The following CTU2 variants were observed in gnomAD, a reference collection of about 807,000 sequenced individuals.
CTU2 encodes the protein cytosolic thiouridylase subunit 2, also known as cytoplasmic tRNA 2-thiolation protein 2.
Under a neutral mutation model 64.1 loss-of-function variants are expected in CTU2, and 80 were observed. The observed-to-expected ratio is 1.25, with a 90% CI of 1.04 to 1.50. The LOEUF is 1.50. CTU2 is among the 40% of genes most tolerant of loss of function. CTU2 has a pLI of 0.00. For missense variants in CTU2, 1,110 were observed against 690.2 expected, an observed-to-expected ratio of 1.61 and a Z score of -6.81; for synonymous variants, 482 against 285.3, an observed-to-expected ratio of 1.69 and a Z score of -6.95.
intron 2 of CTU2, 114 bp downstream of exon 2, chr16:88,707,324 C>G: frequency 1.0e-6 from 1 of 997,350 alleles, no homozygotes; most frequent in Non-Finnish European, 1.6e-6. Context: ...TTACTTTATT[C>G]CTGCTCCTGA....
Position 88,712,872 on chromosome 16 carries a change from T to G in CTU2, c.704T>G (p.Leu235Arg). The G allele has an allele frequency of 6.5e-7, 1 of 1,540,050 alleles. No individual in the cohort carries two copies. The highest frequency in any genetic ancestry group is 8.7e-7 in the Non-Finnish European group (1 of 1,144,538). The change falls in exon 7 of 15, where the codon CTG becomes CGG. Residue 235 changes from leucine to arginine, a missense_variant. Leu to Arg is a moderately radical substitution (Grantham distance 102). Coordinates refer to ENST00000453996, the MANE Select transcript of CTU2 (RefSeq NM_001012759.3). ...LSQLFCSVRT[L>R]TAKEELLQTL... ...CAACTGTTCTGCTCAGTGAGGACAC[T>G]GACTGCCAAGGAGGAGCTTCTGCAG...
At chr16:88,709,325 GT>G (rs1400903620) in intron 2 of CTU2, 1 of 152,372 alleles carries the variant, frequency 6.6e-6, no homozygotes, top group African/African-American at 2.4e-5. Context: ...ATTCTGTGGG[GT>G]TAGGGGAGGA....
At chr16:88,709,743 G>C (rs945167615) in intron 2 of CTU2, 195 bp from the exon 3 acceptor site, 5 of 599,522 alleles carry the variant, frequency 8.3e-6, no homozygotes, top group East Asian at 2.8e-5. Context: ...GGTGAGCCTC[G>C]TGTTCACCCT....
At chr16:88,711,446 C>T (rs1017475795) in intron 4 of CTU2, among the ~76,000 whole-genome samples, 189 bp from the exon 5 acceptor site, 6 of 152,198 alleles carry the variant, frequency 3.9e-5, no homozygotes, top group Non-Finnish European at 7.3e-5. Context: ...ATAAGTCGGG[C>T]GTGCGGCCTC....
chr16:88,715,101 A>G lies in CTU2; in HGVS notation c.1473A>G (p.Thr491=), dbSNP rs1208707232. Residue 491 remains threonine, a synonymous_variant, in exon 14 of 15, where the codon ACA becomes ACG. Coordinates refer to ENST00000453996, the MANE Select transcript of CTU2 (RefSeq NM_001012759.3). Reference sequence around the variant, plus strand: ...TCCTGGCTGAGGCCCAGCTCCGCACACAGAGGTACTGGGGCCCACACTGCC... The same window carrying G: ...TCCTGGCTGAGGCCCAGCTCCGCACGCAGAGGTACTGGGGCCCACACTGCC... The part of the protein sequence containing the change: ...PYILAEAQLR[T]QRAWGLQEIR... 1.3e-6 allele frequency: 2 copies of G among 1,586,782 alleles called. No individual in the cohort carries two copies. Among genetic ancestry groups the G allele is most frequent in the East Asian group, 2.2e-5 (1 of 44,610 alleles).
rs1254845636 is a variant in CTU2, at chr16:88,706,514, C to G, written c.-17C>G. 2 of 1,420,004 alleles carry G rather than the reference C, an allele frequency of 1.4e-6. No individual in the cohort carries two copies. Among genetic ancestry groups the G allele is most frequent in the East Asian group, 6.1e-5 (2 of 32,736 alleles). The allele number at this position is 1,420,004 out of a possible 1,614,324, so 88.0% of individuals were successfully genotyped here. ...GCGCTGTCGCCGCCACAGTCTGCGA[C>G]GGGACCCGGCGTGCCCATGTGTCAG... On this transcript the variant is annotated 5_prime_UTR_variant, in exon 1 of 15. Transcript: ENST00000453996.
At chr16:88,706,639 T>G in intron 1 of CTU2, 41 bp downstream of exon 1, 1 of 1,337,024 alleles carries the variant, frequency 7.5e-7, no homozygotes, top group Non-Finnish European at 9.6e-7. Context: ...GCCCCTCGCC[T>G]TCCCGCCGCA....
intron 9 of CTU2, 97 bp from the exon 10 acceptor site, chr16:88,714,039 A>C: frequency 2.4e-6 from 3 of 1,247,310 alleles, no homozygotes; most frequent in Non-Finnish European, 3.5e-6. Context: ...CATGTGGGCC[A>C]GCAGCGTGGA....
In CTU2 at chr16:88,711,660, G is replaced by T. The variant is rs1484008795; in HGVS notation, c.308G>T (p.Arg103Ile). Residue 103 changes from arginine (R) to isoleucine (I), a missense_variant, in exon 5 of 15, where the codon AGA becomes ATA. Arg to Ile is a moderately conservative substitution (Grantham distance 97, BLOSUM62 -3). Coordinates refer to ENST00000453996, the MANE Select transcript of CTU2 (RefSeq NM_001012759.3). ...LEGLSQDSAK[R>I]LRFVAGVIFV... ...GGCCTGAGCCAAGATTCTGCCAAAAGACTGCGCTTTGTGGCAGGAGTCATC... is the reference window on the plus strand; with the variant it reads ...GGCCTGAGCCAAGATTCTGCCAAAATACTGCGCTTTGTGGCAGGAGTCATC... The T allele has an allele frequency of 1.9e-6, 3 of 1,608,422 alleles. No individual in the cohort carries two copies. Among genetic ancestry groups the T allele is most frequent in the African/African-American group, 1.3e-5 (1 of 74,988 alleles).
rs1348777920 is a variant in CTU2, at chr16:88,714,165, G to C, written c.1035G>C (p.Leu345=). The C allele has an allele frequency of 1.2e-6, 2 of 1,612,624 alleles. No homozygotes were observed. The highest frequency in any genetic ancestry group is 2.7e-5 in the African/African-American group (2 of 74,920). The change falls in exon 10 of 15, where the codon CTG becomes CTC. Residue 345 remains leucine, a synonymous_variant. Coordinates refer to ENST00000453996, the MANE Select transcript of CTU2 (RefSeq NM_001012759.3). ...CTGAAAAGGCCAGCATCCACCGGCTGATGGAGGCCTTCATCCTCAGGCTGC... is the reference window on the plus strand; with the variant it reads ...CTGAAAAGGCCAGCATCCACCGGCTCATGGAGGCCTTCATCCTCAGGCTGC... ...KAPEKASIHR[L]MEAFILRLQT...
At position 88,714,412 on chromosome 16, in the gene CTU2, G is replaced by T. The variant is rs61730419; in HGVS notation, c.1127G>T (p.Arg376Leu). Reference sequence around the variant, plus strand: ...AGTGAGAAGCTGGTGAAGGGCCCCCGGGATGGCCCTGCTGCTGGCGACTCC... The same window carrying T: ...AGTGAGAAGCTGGTGAAGGGCCCCCTGGATGGCCCTGCTGCTGGCGACTCC... ...RTSEKLVKGPRDGPAAGDSGP... is the reference protein window; with the variant it reads ...RTSEKLVKGPLDGPAAGDSGP... Residue 376 changes from arginine to leucine, a missense_variant, in exon 11 of 15, where the codon CGG becomes CTG. Physicochemically the swap from Arg to Leu is moderately radical, Grantham distance 102 (BLOSUM62 -2). Coordinates refer to ENST00000453996, the MANE Select transcript of CTU2 (RefSeq NM_001012759.3). 5.6e-5 allele frequency: 91 copies of T among 1,612,524 alleles called. No homozygotes were observed. In the African/African-American group the frequency reaches 1.1e-3, roughly 19 times the overall value.
At position 88,714,844 on chromosome 16, in the gene CTU2, A is replaced by G. The variant is rs781025380; in HGVS notation, c.1353-16A>G. 6.2e-7 allele frequency: 1 copy of G among 1,612,522 alleles called. No individual in the cohort carries two copies. The highest frequency in any genetic ancestry group is 8.5e-7 in the Non-Finnish European group (1 of 1,179,832). On this transcript the variant is annotated splice_polypyrimidine_tract_variant and intron_variant, in intron 12 of 14. Transcript: ENST00000453996. The stretch of plus-strand genomic sequence containing the variant: ...GAGGTGCCAAGGTGGGCACACAGCC[A>G]GCTCTGCTCCCGCAGGGAGGACCCC...
At position 88,713,346 on chromosome 16, in the gene CTU2, G is replaced by A. The variant is rs142100748; in HGVS notation, c.772G>A (p.Gly258Ser). 5.9e-5 allele frequency: 94 copies of A among 1,596,394 alleles called. No individual in the cohort carries two copies. Among genetic ancestry groups the A allele is most frequent in the East Asian group, 3.1e-4 (13 of 42,190 alleles). Residue 258 changes from glycine (G) to serine (S), a missense_variant, in exon 8 of 15, where the codon GGC becomes AGC. Physicochemically the swap from Gly to Ser is moderately conservative, Grantham distance 56. Transcript: ENST00000453996. ...GATCCTCCACATGGCCCGAGCCCAC[G>A]GCTACTCCAAGGTCATGACTGGGGA... ...HLILHMARAH[G>S]YSKVMTGDSC...
chr16:88,708,502 C>T (rs1417183631), intron 2 of CTU2, among the ~76,000 whole-genome samples: 1 of 152,154 alleles, frequency 6.6e-6, no homozygotes, highest in African/African-American at 2.4e-5. Context: ...TGAAGCCCAG[C>T]ACCTGTGTCT....
intron 6 of CTU2, 101 bp from the exon 7 acceptor site, chr16:88,712,521 C>G: frequency 6.6e-7 from 1 of 1,510,060 alleles, no homozygotes; most frequent in East Asian, 2.3e-5. Context: ...TGCCCGTGCC[C>G]CAGCCTCACT....
rs1251194543 is a variant in CTU2, at chr16:88,711,661, A to G, written c.309A>G (p.Arg103=). The G allele has an allele frequency of 1.9e-6, 3 of 1,608,102 alleles. No homozygotes were observed. Among genetic ancestry groups the G allele is most frequent in the African/African-American group, 2.7e-5 (2 of 74,866 alleles). The change falls in exon 5 of 15, where the codon AGA becomes AGG. Residue 103 remains arginine, a synonymous_variant. Transcript: ENST00000453996. ...GCCTGAGCCAAGATTCTGCCAAAAG[A>G]CTGCGCTTTGTGGCAGGAGTCATCT... ...LEGLSQDSAK[R]LRFVAGVIFV... is the part of the protein sequence containing the mutation.
chr16:88,714,305 C>T, intron 10 of CTU2, 78 bp downstream of exon 10: 2 of 1,596,486 alleles, frequency 1.3e-6, no homozygotes, highest in Non-Finnish European at 8.6e-7. Context: ...GTGAGCTCAC[C>T]ACTCGTGCTC....
intron 6 of CTU2, 84 bp from the exon 7 acceptor site, chr16:88,712,538 T>A: frequency 6.5e-7 from 1 of 1,538,046 alleles, no homozygotes; most frequent in Non-Finnish European, 8.8e-7. Context: ...CACTGCCGTC[T>A]CCCGCATCCC....
rs555690643 is a variant in CTU2 at position 88,707,658 on chromosome 16, C to T, written c.143+448C>T. Reference sequence around the variant, plus strand: ...GGCTTGGAAGACCTCTAGCTTTCCCCCAGGCGCTTGTCATGTCTTTCTTGG... The same window carrying T: ...GGCTTGGAAGACCTCTAGCTTTCCCTCAGGCGCTTGTCATGTCTTTCTTGG... On this transcript the variant is annotated intron_variant, in intron 2 of 14. Coordinates refer to ENST00000453996, the MANE Select transcript of CTU2 (RefSeq NM_001012759.3). Among the ~76,000 whole-genome samples the T allele has an allele frequency of 9.9e-5, 15 of 152,222 alleles. No homozygotes were observed. In the South Asian group the frequency reaches 2.9e-3, roughly 29 times the overall value.
Sources: gnomAD v4.1 joint callset for allele counts (sites outside exome capture counted in the v4.1 genomes callset) on GRCh38, gnomAD v4.1.1 for gene constraint, MANE v1.5 for transcripts, NCBI Gene and HGNC (gene_info 2026-07-23, HGNC 2026-07-21) for gene names.